Variants in INSL6 observed in about 807,000 individuals in gnomAD.
The protein encoded by INSL6 is insulin-like peptide INSL6.
INSL6 carries 16 observed loss-of-function variants against 9.4 expected under a neutral mutation model. The ratio of observed to expected loss-of-function variants is 1.70; its 90% CI spans 1.15 to 2.59. INSL6 has a LOEUF of 2.59. INSL6 is among the 30% of genes most tolerant of loss of function. INSL6 has a pLI of 0.00. For missense variants in INSL6, 391 were observed against 257.3 expected (o/e 1.52, Z -3.56); for synonymous variants, 154 against 96.9 (o/e 1.59, Z -3.46).
At chr9:5,056,920 T>G in the INSL6 span, among the ~76,000 whole-genome samples, 1 of 152,192 alleles carries the variant, frequency 6.6e-6, no homozygotes, top group Non-Finnish European at 1.5e-5. Flanking sequence ...CTATTTAAAC[T>G]CAAATGCATG....
chr9:5,040,680 A>G, the INSL6 span, among the ~76,000 whole-genome samples: 2 of 152,260 alleles, frequency 1.3e-5, no homozygotes, highest in Non-Finnish European at 2.9e-5. Context: ...TCCAAATAAG[A>G]TATACAAATG....
the INSL6 span, chr9:5,041,121 C>T: frequency 1.4e-5 from 12 of 876,228 alleles, no homozygotes; most frequent in Admixed American, 1.8e-4. Context: ...ACGCCCAAGA[C>T]GGTGCTCCTG....
At chr9:5,066,885 A>G in the INSL6 span, 1 of 490,762 alleles carries the variant, frequency 2.0e-6, no homozygotes. Flanking sequence ...AATACTGAGA[A>G]TTATAGCTTT....
At chr9:5,034,135 A>G in the INSL6 span, among the ~76,000 whole-genome samples, 1 of 152,220 alleles carries the variant, frequency 6.6e-6, no homozygotes, top group African/African-American at 2.4e-5. Flanking sequence ...AGATCAAAAG[A>G]AACAAAGAAG....
At chr9:5,098,275 G>C in the INSL6 span, 1 of 152,120 alleles carries the variant, frequency 6.6e-6, no homozygotes, top group South Asian at 2.1e-4. Flanking sequence ...TTCTCGATAA[G>C]ATATTAGCAA....
At chr9:5,164,336 C>G (rs1230989485) in intron 1 of INSL6, 71 bp from the exon 2 acceptor site, 8 of 909,458 alleles carry the variant, frequency 8.8e-6, no homozygotes, top group Non-Finnish European at 1.4e-5. Flanking sequence ...AATATTGGAA[C>G]AGTAAAATCA....
the INSL6 span, among the ~76,000 whole-genome samples, chr9:5,015,067 A>G: frequency 6.6e-6 from 1 of 152,234 alleles, no homozygotes; most frequent in Non-Finnish European, 1.5e-5. Context: ...TGCTTTTGCA[A>G]CATTGTATTT....
Position 5,164,104 on chromosome 9 carries a change from G to C in INSL6, c.451C>G (p.Arg151Gly), listed in dbSNP as rs935917390. ...IHENAKFQKKRRNKIKTLSNL... is the reference protein window; with the variant it reads ...IHENAKFQKKGRNKIKTLSNL... ...CTTAAGGTTTTAATTTTGTTTCTAC[G>C]TTTCTTCTGAAATTTTGCATTCTCA... Residue 151 changes from arginine to glycine, a missense_variant, in exon 2 of 2, where the codon CGT becomes GGT. Transcript: ENST00000381641. The C allele has an allele frequency of 1.2e-6, 2 of 1,612,510 alleles. No homozygotes were observed. The highest frequency in any genetic ancestry group is 1.7e-6 in the Non-Finnish European group (2 of 1,179,608).
chr9:5,007,151 G>T, the INSL6 span, among the ~76,000 whole-genome samples: 1 of 150,832 alleles, frequency 6.6e-6, no homozygotes, highest in Non-Finnish European at 1.5e-5. Flanking sequence ...TCATTTTTAT[G>T]GTTTTTGGCT....
At chr9:5,114,623 G>A in the INSL6 span, 13 of 484,426 alleles carry the variant, frequency 2.7e-5, no homozygotes, top group South Asian at 6.2e-5. Context: ...TGCAGCTCCC[G>A]GACACTTGGC....
chr9:5,125,561 AT>A (rs931265832), intron 3 of INSL6, among the ~76,000 whole-genome samples: 1 of 151,628 alleles, frequency 6.6e-6, no homozygotes, highest in East Asian at 1.9e-4. Flanking sequence ...CTATTTTAAA[AT>A]TTTTTTAATT....
intron 1 of INSL6, among the ~76,000 whole-genome samples, chr9:5,174,757 A>G (rs1586877429): frequency 6.6e-6 from 1 of 152,182 alleles, no homozygotes; most frequent in African/African-American, 2.4e-5. Context: ...ACAAGTCCAC[A>G]TTAATGTTTC....
At chr9:5,094,790 A>G in the INSL6 span, 1 of 152,070 alleles carries the variant, frequency 6.6e-6, no homozygotes, top group Non-Finnish European at 1.5e-5. Flanking sequence ...GACTACTACT[A>G]TTTTTCTAGG....
rs139374742 is a variant in INSL6, at chr9:5,131,385, C to T, written c.*10+2040G>A. The stretch of plus-strand genomic sequence containing the variant: ...TTGTTTACAGAATCAAAGACTTCAT[C>T]TTGATTTTTAAGAACAAATAGCTGA... On this transcript the variant is annotated intron_variant, in intron 3 of 3. Transcript: ENST00000649639. Among the ~76,000 whole-genome samples the T allele has an allele frequency of 5.8e-3, 858 of 147,878 alleles. 4 individuals are homozygous for T. The highest frequency in any genetic ancestry group is 8.3e-3 in the Non-Finnish European group (561 of 67,424).
At chr9:5,037,043 G>C in the INSL6 span, among the ~76,000 whole-genome samples, 1 of 152,160 alleles carries the variant, frequency 6.6e-6, no homozygotes, top group Non-Finnish European at 1.5e-5. Context: ...CAAAAAGTGG[G>C]CGAAGGATAC....
At chr9:5,115,072 A>G in the INSL6 span, among the ~76,000 whole-genome samples, 1 of 152,224 alleles carries the variant, frequency 6.6e-6, no homozygotes. Context: ...GACAGATGGG[A>G]TCTAATTAAA....
chr9:5,124,290 C>A (rs1823834816), exon 4 of INSL6, among the ~76,000 whole-genome samples: 1 of 151,592 alleles, frequency 6.6e-6, no homozygotes, highest in Non-Finnish European at 1.5e-5. Context: ...TGTTTACACT[C>A]ATTTCCATTA....
At chr9:5,025,901 G>A in the INSL6 span, among the ~76,000 whole-genome samples, 1 of 152,122 alleles carries the variant, frequency 6.6e-6, no homozygotes, top group African/African-American at 2.4e-5. Context: ...CACAAAAATT[G>A]TCCATCTGTC....
intron 2 of INSL6, among the ~76,000 whole-genome samples, chr9:5,152,626 A>G (rs763602250): frequency 7.2e-5 from 11 of 152,346 alleles, no homozygotes; most frequent in South Asian, 2.1e-4. Context: ...AACAGCCTTA[A>G]TAAGACTATT....
Sources: gnomAD v4.1 joint callset for allele counts (sites outside exome capture counted in the v4.1 genomes callset) on GRCh38, gnomAD v4.1.1 for gene constraint, MANE v1.5 for transcripts, NCBI Gene and HGNC (gene_info 2026-07-23, HGNC 2026-07-21) for gene names.